Variants in LETM1 observed in about 807,000 individuals in gnomAD.
LETM1 encodes the protein mitochondrial proton/calcium exchanger protein.
In LETM1, 50 loss-of-function variants were observed where a neutral mutation model predicts 74.5. The observed-to-expected ratio is 0.67, with a 90% CI of 0.53 to 0.85. LETM1 has a LOEUF of 0.85. LETM1 is among the 40% of genes least tolerant of loss of function. LETM1 has a pLI of 0.00. For synonymous variants in LETM1, 446 were observed against 407.1 expected (o/e 1.10, Z -1.15); for missense variants, 824 against 967.8 (o/e 0.85, Z 1.97).
chr4:1,821,459 C>T (rs1010094253), intron 10 of LETM1, among the ~76,000 whole-genome samples: 2 of 151,168 alleles, frequency 1.3e-5, no homozygotes, highest in Non-Finnish European at 3.0e-5. Context: ...GAGGCTGAGG[C>T]GGGAAGATCA....
In LETM1 at chr4:1,848,022, G is replaced by T. The variant is rs929804260; in HGVS notation, c.143+1127C>A. ...AAAAAATAAAAATAAAAAAAAAAAA[G>T]AAAATGCAACCTTAAGGAAAAAGAC... is the stretch of plus-strand genomic sequence containing the variant. On this transcript the variant is annotated intron_variant, in intron 2 of 13. Transcript: ENST00000302787. Among the ~76,000 whole-genome samples the T allele has an allele frequency of 4.0e-5, 6 of 150,240 alleles. No homozygotes were observed. The South Asian group carries it at 1.3e-3, about 32-fold the overall frequency.
intron 7 of LETM1, among the ~76,000 whole-genome samples, chr4:1,824,999 G>C (rs116610252): frequency 3.4e-3 from 521 of 152,396 alleles, no homozygotes; most frequent in Non-Finnish European, 5.6e-3. Flanking sequence ...GGGCATGCCA[G>C]TGCCAGGGCA....
chr4:1,825,715 G>A (rs781221693), intron 6 of LETM1, 32 bp from the exon 7 acceptor site: 1 of 1,584,874 alleles, frequency 6.3e-7, no homozygotes, highest in Admixed American at 1.8e-5. Context: ...TATCATCTGG[G>A]ACAGTTGCTG....
At position 1,815,744 on chromosome 4, in the gene LETM1, G is replaced by A. The variant is rs983598055; in HGVS notation, c.1990C>T (p.Pro664Ser). The A allele has an allele frequency of 1.9e-6, 3 of 1,614,200 alleles. No individual in the cohort carries two copies. Among genetic ancestry groups the A allele is most frequent in the African/African-American group, 2.7e-5 (2 of 75,064 alleles). Residue 664 changes from proline to serine, a missense_variant, in exon 13 of 14, where the codon CCC (proline) becomes TCC (serine). Coordinates refer to ENST00000302787, the MANE Select transcript of LETM1 (RefSeq NM_012318.3). ...INAMKQVKHI[P>S]ESKLTSLAAA... ...GCCAGGCTGGTGAGCTTGCTTTCGGGAATGTGCTTGACTTGCTTCATGGCG... is the reference window on the plus strand; with the variant it reads ...GCCAGGCTGGTGAGCTTGCTTTCGGAAATGTGCTTGACTTGCTTCATGGCG...
At chr4:1,827,429 C>T (rs1367876039) in intron 6 of LETM1, among the ~76,000 whole-genome samples, 1 of 118,932 alleles carries the variant, frequency 8.4e-6, no homozygotes, top group Admixed American at 8.9e-5. Flanking sequence ...GGCAGAGGAC[C>T]CTGCGGCCTT....
At chr4:1,855,844 C>T in intron 1 of LETM1, 25 bp downstream of exon 1, 1 of 1,210,200 alleles carries the variant, frequency 8.3e-7, no homozygotes, top group Non-Finnish European at 1.0e-6. Flanking sequence ...GGAGCCGGCC[C>T]CGCCCTGGGG....
rs1722483914 is a variant in LETM1, at chr4:1,812,019, A to G, written c.*2405T>C. The stretch of plus-strand genomic sequence containing the variant: ...CGAGACCATCCTGGCTAACACGGTA[A>G]AACACTGTCTCTAATAAAAATACAA... On this transcript the variant is annotated 3_prime_UTR_variant, in exon 14 of 14. Transcript: ENST00000302787. 6.6e-6 allele frequency: 1 copy of G among 152,082 alleles called. No homozygotes were observed. The highest frequency in any genetic ancestry group is 1.5e-5 in the Non-Finnish European group (1 of 68,040). 9.4% of individuals were successfully genotyped at this position (152,082 alleles called of 1,614,324 possible).
chr4:1,834,510 G>A lies in LETM1; in HGVS notation c.876+335C>T, dbSNP rs540893252. On this transcript the variant is annotated intron_variant, in intron 5 of 13. Transcript: ENST00000302787. This position sits in a 1 kb window ranked among gnomAD's most constrained non-coding sequence, Gnocchi z 5.0. The stretch of plus-strand genomic sequence containing the variant: ...AGCCAGAGGGCAATGCCCAGCAGAG[G>A]AGCCCGGCCAAGCCACCCACACCTC... The A allele has an allele frequency of 4.9e-5, 53 of 1,090,842 alleles. No homozygotes were observed. The highest frequency in any genetic ancestry group is 3.1e-4 in the South Asian group (11 of 34,968). The allele number at this position is 1,090,842 out of a possible 1,614,324, so 67.6% of individuals were successfully genotyped here. A position where few individuals can be genotyped will look rare whatever the true frequency, so the allele number is the denominator to read the frequency against.
Position 1,834,602 on chromosome 4 carries a change from G to T in LETM1, c.876+243C>A. The T allele has an allele frequency of 7.5e-7, 1 of 1,337,132 alleles. No homozygotes were observed. The allele number at this position is 1,337,132 out of a possible 1,614,324, so 82.8% of individuals were successfully genotyped here. On this transcript the variant is annotated intron_variant, in intron 5 of 13. Transcript: ENST00000302787. The surrounding 1 kb of genome is among the most constrained non-coding windows in gnomAD (Gnocchi z 5.0). ...TGCTCCTGGACAGCTGCAGGGTGAT[G>T]AGACACAGACGCCCATAATTCTGAA...
At chr4:1,842,028 C>T (rs1021999510) in intron 2 of LETM1, among the ~76,000 whole-genome samples, 3 of 152,290 alleles carry the variant, frequency 2.0e-5, no homozygotes, top group African/African-American at 7.2e-5. Context: ...CGGACAGGAG[C>T]ATGGGCGGGC....
rs1446626950 is a variant in LETM1, at chr4:1,848,651, G to A, written c.143+498C>T. On this transcript the variant is annotated intron_variant, in intron 2 of 13. Transcript: ENST00000302787. ...GAATCACTTGAACCTGGGAGGCGGA[G>A]GTTGCAGTGAGCCAAGCATGTGCCA... Among the ~76,000 whole-genome samples the A allele has an allele frequency of 2.0e-5, 3 of 148,510 alleles. No individual in the cohort carries two copies. In the Admixed American group the frequency reaches 2.0e-4, roughly 10 times the overall value.
At chr4:1,821,835 C>T (rs1316364690) in intron 10 of LETM1, among the ~76,000 whole-genome samples, 10 of 152,194 alleles carry the variant, frequency 6.6e-5, no homozygotes, top group African/African-American at 2.4e-4. Context: ...TGAGGGGCCA[C>T]ATTGGCTTCC....
In LETM1 at chr4:1,835,051, C is replaced by T. The variant is rs188565730; in HGVS notation, c.739-69G>A. 3.1e-4 allele frequency: 468 copies of T among 1,489,076 alleles called. No individual in the cohort carries two copies. In the African/African-American group the frequency reaches 4.9e-3, roughly 15 times the overall value. The allele number at this position is 1,489,076 out of a possible 1,614,324, so 92.2% of individuals were successfully genotyped here. A position where few individuals can be genotyped will look rare whatever the true frequency, so the allele number is the denominator to read the frequency against. Reference sequence around the variant, plus strand: ...TGGTTCGGGCAAGGAAAACATCTCACGCCTGTGCCCGACCCCCACTCCCAG... The same window carrying T: ...TGGTTCGGGCAAGGAAAACATCTCATGCCTGTGCCCGACCCCCACTCCCAG... On this transcript the variant is annotated intron_variant, in intron 4 of 13. Transcript: ENST00000302787.
rs762378553 is a variant in LETM1, at chr4:1,825,683, G to A, written c.1081C>T (p.Leu361=). 4.3e-6 allele frequency: 7 copies of A among 1,612,052 alleles called. No homozygotes were observed. In the South Asian group the frequency reaches 7.7e-5, roughly 18 times the overall value. The change falls in exon 7 of 14, where the codon CTG becomes TTG. Residue 361 remains leucine, a splice_region_variant and synonymous_variant. Transcript: ENST00000302787. ...CTGTCCACCCCTTCCTCAGCAATCA[G>A]CTAGAAAACAAAGCAGTGAATTATC... ...RLRSIKADDK[L]IAEEGVDSLN...
At chr4:1,854,548 C>CT (rs1713174422) in intron 1 of LETM1, among the ~76,000 whole-genome samples, 1 of 151,596 alleles carries the variant, frequency 6.6e-6, no homozygotes, top group East Asian at 1.9e-4. Flanking sequence ...AATCCCAGCA[C>CT]TTTGGGAGGC....
rs540926853 is a variant in LETM1 at position 1,817,075 on chromosome 4, G to A, written c.1744-161C>T. On this transcript the variant is annotated intron_variant, in intron 11 of 13. Coordinates refer to ENST00000302787, the MANE Select transcript of LETM1 (RefSeq NM_012318.3). ...AGCCTGGCCAATGTGGTGAAACCCCGCCTCTACTAAAAATACAAAAATTAG... is the reference window on the plus strand; with the variant it reads ...AGCCTGGCCAATGTGGTGAAACCCCACCTCTACTAAAAATACAAAAATTAG... Among the ~76,000 whole-genome samples, 12 of 151,716 alleles carry A rather than the reference G, an allele frequency of 7.9e-5. No individual in the cohort carries two copies. In the East Asian group the frequency reaches 1.7e-3, roughly 22 times the overall value.
chr4:1,833,024 A>G lies in LETM1; in HGVS notation c.877-77T>C, dbSNP rs1712334036. The G allele has an allele frequency of 3.0e-6, 4 of 1,319,814 alleles. No homozygotes were observed. In the African/African-American group the frequency reaches 5.8e-5, roughly 19 times the overall value. 81.8% of individuals were successfully genotyped at this position (1,319,814 alleles called of 1,614,324 possible). On this transcript the variant is annotated intron_variant, in intron 5 of 13. Coordinates refer to ENST00000302787, the MANE Select transcript of LETM1 (RefSeq NM_012318.3). ...CCTCCCACGACCAACCACATTCCCA[A>G]AGGGTGCTGCCTCTCATCCTCAGGG... is the stretch of plus-strand genomic sequence containing the variant.
At position 1,855,923 on chromosome 4, in the gene LETM1, G is replaced by C. The variant is rs1208488338; in HGVS notation, c.28C>G (p.Arg10Gly). Residue 10 changes from arginine to glycine, a missense_variant, in exon 1 of 14, where the codon CGC becomes GGC. This residue lies in a region of LETM1 where 222 missense variants were observed against 195.6 expected (regional missense o/e 1.14). Coordinates refer to ENST00000302787, the MANE Select transcript of LETM1 (RefSeq NM_012318.3). The part of the protein sequence containing the change: MASILLRSC[R>G]GRAPARLPPP... Reference sequence around the variant, plus strand: ...GGGAGGCGGGCGGGCGCCCGGCCGCGGCAGCTCCTCAGTAAGATGGACGCC... The same window carrying C: ...GGGAGGCGGGCGGGCGCCCGGCCGCCGCAGCTCCTCAGTAAGATGGACGCC... The C allele has an allele frequency of 2.2e-5, 27 of 1,236,934 alleles. No individual in the cohort carries two copies. The highest frequency in any genetic ancestry group is 2.6e-5 in the Non-Finnish European group (26 of 993,006). 76.6% of individuals were successfully genotyped at this position (1,236,934 alleles called of 1,614,324 possible).
intron 11 of LETM1, among the ~76,000 whole-genome samples, chr4:1,817,843 C>T (rs1220937040): frequency 2.0e-5 from 3 of 152,178 alleles, no homozygotes; most frequent in African/African-American, 7.2e-5. Context: ...ATGATCTCAG[C>T]TCACTGCAGC....
Sources: gnomAD v4.1 joint callset for allele counts (sites outside exome capture counted in the v4.1 genomes callset) on GRCh38, gnomAD v4.1.1 for gene constraint, gnomAD v4.1.1 regional missense constraint, Gnocchi (gnomAD v3.1) non-coding constraint, MANE v1.5 for transcripts, NCBI Gene and HGNC (gene_info 2026-07-23, HGNC 2026-07-21) for gene names.